The following SLIT2 variants were observed in gnomAD, a reference collection of about 807,000 sequenced individuals.
The protein encoded by SLIT2 is slit guidance ligand 2, also known as slit homolog 2 protein.
Under a neutral mutation model 185.7 loss-of-function variants are expected in SLIT2, and 41 were observed. The ratio of observed to expected loss-of-function variants is 0.22; its 90% CI spans 0.17 to 0.29. The LOEUF (loss-of-function observed/expected upper bound fraction) is 0.29. SLIT2 is among the 10% of genes least tolerant of loss of function. SLIT2 has a pLI of 1.00. For missense variants in SLIT2, 1,571 were observed against 1,909.0 expected, an observed-to-expected ratio of 0.82 and a Z score of 3.30; for synonymous variants, 693 against 680.2, an observed-to-expected ratio of 1.02 and a Z score of -0.29.
chr4:20,457,099 ATTGTAATGTCC>A (rs1488799763), intron 4 of SLIT2, among the ~76,000 whole-genome samples: 1 of 152,104 alleles, frequency 6.6e-6, no homozygotes, highest in East Asian at 1.9e-4. Flanking sequence ...TTTCTTGAGA[ATTGTAATGTCC>A]ATAAGTATAA....
chr4:20,503,779 G>A (rs1416130245), intron 9 of SLIT2, among the ~76,000 whole-genome samples: 1 of 152,294 alleles, frequency 6.6e-6, no homozygotes, highest in Middle Eastern at 3.4e-3. Flanking sequence ...ACTCGGGAAT[G>A]TATTTTAGAA....
At chr4:20,381,670 CCAAA>C (rs1724525188) in intron 4 of SLIT2, among the ~76,000 whole-genome samples, 1 of 152,072 alleles carries the variant, frequency 6.6e-6, no homozygotes, top group African/African-American at 2.4e-5. Context: ...AATCTTTCTA[CCAAA>C]CAAACTAACA....
At chr4:20,455,775 A>G (rs576686705) in intron 4 of SLIT2, among the ~76,000 whole-genome samples, 1 of 152,140 alleles carries the variant, frequency 6.6e-6, no homozygotes, top group Non-Finnish European at 1.5e-5. Flanking sequence ...CAGTTTACAC[A>G]GGTAAACTTT....
chr4:20,589,565 C>A (rs1727335349), intron 29 of SLIT2, 79 bp from the exon 30 acceptor site: 1 of 1,073,514 alleles, frequency 9.3e-7, no homozygotes. Flanking sequence ...ACCTCTAAGA[C>A]CCATGACAAT....
chr4:20,288,794 A>G (rs1271067204), intron 4 of SLIT2, among the ~76,000 whole-genome samples: 1 of 152,210 alleles, frequency 6.6e-6, no homozygotes, highest in Admixed American at 6.5e-5. Flanking sequence ...CCTCACTGTC[A>G]GTGTCCAAAG....
chr4:20,556,179 T>C (rs577515134), intron 26 of SLIT2, among the ~76,000 whole-genome samples: 4 of 152,154 alleles, frequency 2.6e-5, no homozygotes, highest in African/African-American at 2.4e-5. Context: ...TAGATCTTTA[T>C]TGGGACAGTG....
At chr4:20,410,870 T>A (rs1028690308) in intron 4 of SLIT2, among the ~76,000 whole-genome samples, 3 of 152,208 alleles carry the variant, frequency 2.0e-5, no homozygotes, top group Admixed American at 1.3e-4. Flanking sequence ...TTTATTCATT[T>A]TGCTTAGGAT....
Position 20,567,267 on chromosome 4 carries a change from G to A in SLIT2, c.2731G>A (p.Val911Met), listed in dbSNP as rs1725166842. The A allele has an allele frequency of 1.2e-6, 2 of 1,607,272 alleles. No individual in the cohort carries two copies. Among genetic ancestry groups the A allele is most frequent in the South Asian group, 1.1e-5 (1 of 89,604 alleles). Residue 911 changes from valine (V) to methionine (M), a missense_variant, in exon 27 of 37, where the codon GTG (valine) becomes ATG (methionine). Coordinates refer to ENST00000504154, the MANE Select transcript of SLIT2 (RefSeq NM_004787.4). ...ATTTTTGAATTAATTTTCAGGTCCTGTGGATGTCAATATTCTAGCTAAGTG... is the reference window on the plus strand; with the variant it reads ...ATTTTTGAATTAATTTTCAGGTCCTATGGATGTCAATATTCTAGCTAAGTG... The part of the protein sequence containing the change: ...PSKKFTCQGP[V>M]DVNILAKCNP...
chr4:20,439,599 A>T (rs1193106937), intron 4 of SLIT2, among the ~76,000 whole-genome samples: 5 of 152,168 alleles, frequency 3.3e-5, no homozygotes, highest in African/African-American at 1.2e-4. Flanking sequence ...TTTTGACTTG[A>T]TTACTTCTGC....
At chr4:20,611,869 A>T (rs758770151) in intron 34 of SLIT2, among the ~76,000 whole-genome samples, 2 of 152,178 alleles carry the variant, frequency 1.3e-5, no homozygotes, top group African/African-American at 2.4e-5. Flanking sequence ...TATGTAGTAG[A>T]CACCTCATTT....
chr4:20,323,924 T>C (rs1278518522), intron 4 of SLIT2, among the ~76,000 whole-genome samples: 1 of 152,192 alleles, frequency 6.6e-6, no homozygotes, highest in Non-Finnish European at 1.5e-5. Flanking sequence ...AAACAATATT[T>C]TAAATTTGGA....
intron 3 of SLIT2, among the ~76,000 whole-genome samples, chr4:20,268,455 C>T (rs1401862760): frequency 2.6e-5 from 4 of 151,666 alleles, no homozygotes; most frequent in Non-Finnish European, 5.9e-5. Flanking sequence ...TTATTTTAGA[C>T]ACCATTCACT....
At position 20,620,557 on chromosome 4, in the gene SLIT2, A is replaced by G. The variant is rs1409923891; in HGVS notation, c.*1548A>G. The G allele has an allele frequency of 3.0e-6, 1 of 331,132 alleles. No homozygotes were observed. The highest frequency in any genetic ancestry group is 5.8e-6 in the Non-Finnish European group (1 of 171,448). 20.5% of individuals were successfully genotyped at this position (331,132 alleles called of 1,614,324 possible). ...TGTAAATTAAACAGATATTTACTTC[A>G]TTAACAGCTTGGTGGTGTTCTTAGA... On this transcript the variant is annotated 3_prime_UTR_variant, in exon 37 of 37. Transcript: ENST00000504154.
intron 5 of SLIT2, among the ~76,000 whole-genome samples, chr4:20,472,315 G>GATATAT (rs34075845): frequency 7.8e-5 from 1 of 12,818 alleles, no homozygotes. Context: ...TCTATATATA[G>GATATAT]ATATATATAT....
chr4:20,508,243 C>T (rs1018771335), intron 9 of SLIT2, among the ~76,000 whole-genome samples: 11 of 151,862 alleles, frequency 7.2e-5, no homozygotes, highest in African/African-American at 2.7e-4. Context: ...GGAATAAGAA[C>T]AGAGGAGTTA....
intron 4 of SLIT2, among the ~76,000 whole-genome samples, chr4:20,360,547 C>T (rs944382022): frequency 2.0e-5 from 3 of 152,016 alleles, no homozygotes; most frequent in Admixed American, 1.3e-4. Context: ...TTATACTTTA[C>T]AGGAAGCATA....
At chr4:20,463,448 GATATAT>G (rs56256520) in intron 4 of SLIT2, among the ~76,000 whole-genome samples, 4,220 of 66,958 alleles carry the variant, frequency 0.063, 145 homozygotes, top group Non-Finnish European at 0.076. Flanking sequence ...CTCAAACTGT[GATATAT>G]ATATATATAT....
chr4:20,425,121 G>A (rs1475380944), intron 4 of SLIT2, among the ~76,000 whole-genome samples: 3 of 152,070 alleles, frequency 2.0e-5, no homozygotes, highest in African/African-American at 7.2e-5. Context: ...TAGTTTAGCT[G>A]TAGCAATTTC....
chr4:20,455,691 G>A (rs1712994458), intron 4 of SLIT2, among the ~76,000 whole-genome samples: 1 of 151,740 alleles, frequency 6.6e-6, no homozygotes, highest in Non-Finnish European at 1.5e-5. Flanking sequence ...TTTTTGGGGG[G>A]GTAATGAAAA....
Sources: allele counts gnomAD v4.1 joint callset (sites outside exome capture counted in the v4.1 genomes callset), GRCh38; gene constraint gnomAD v4.1.1; transcripts MANE v1.5; gene names NCBI Gene and HGNC (gene_info 2026-07-23, HGNC 2026-07-21).